The following RAD51B variants were observed in gnomAD, a reference collection of about 807,000 sequenced individuals.
RAD51B encodes the protein RAD51 paralog B.
In RAD51B, 38 loss-of-function variants were observed where a neutral mutation model predicts 42.2. The ratio of observed to expected loss-of-function variants is 0.90; its 90% CI spans 0.70 to 1.18. The LOEUF is 1.18. RAD51B is among the 50% of genes most tolerant of loss of function. The pLI is 0.00. For missense variants in RAD51B, 373 were observed against 400.7 expected (o/e 0.93, Z 0.59); for synonymous variants, 154 against 145.2 (o/e 1.06, Z -0.43).
intron 7 of RAD51B, among the ~76,000 whole-genome samples, chr14:68,042,507 C>G (rs938419629): frequency 6.6e-6 from 1 of 152,146 alleles, no homozygotes; most frequent in Non-Finnish European, 1.5e-5. Flanking sequence ...GTAGACATAC[C>G]TATCCCTAAC....
chr14:68,005,056 T>G (rs1364181750), intron 7 of RAD51B, among the ~76,000 whole-genome samples: 2 of 135,136 alleles, frequency 1.5e-5, no homozygotes, highest in African/African-American at 5.6e-5. Context: ...TTTTTTTTTT[T>G]TTTTTTTTTT....
intron 5 of RAD51B, among the ~76,000 whole-genome samples, chr14:67,884,859 G>C (rs989344559): frequency 2.0e-5 from 3 of 151,854 alleles, no homozygotes; most frequent in Non-Finnish European, 4.4e-5. Context: ...TTCCTGTTTT[G>C]GGCTTTTCTC....
At chr14:68,152,296 A>G (rs962543581) in intron 7 of RAD51B, among the ~76,000 whole-genome samples, 1 of 152,204 alleles carries the variant, frequency 6.6e-6, no homozygotes, top group African/African-American at 2.4e-5. Context: ...TTATCAGACC[A>G]CATATATGAA....
At chr14:68,267,710 T>G (rs1054957472) in intron 7 of RAD51B, among the ~76,000 whole-genome samples, 1 of 152,226 alleles carries the variant, frequency 6.6e-6, no homozygotes, top group Admixed American at 6.5e-5. Context: ...TTTATGTCTC[T>G]CTAGCTCACA....
At chr14:68,444,027 C>T (rs2085362993) in intron 9 of RAD51B, among the ~76,000 whole-genome samples, 1 of 152,106 alleles carries the variant, frequency 6.6e-6, no homozygotes, top group South Asian at 2.1e-4. Context: ...TATATTAGTG[C>T]CTAGAACTTT....
intron 11 of RAD51B, among the ~76,000 whole-genome samples, chr14:68,655,664 G>A (rs995224627): frequency 9.9e-5 from 15 of 152,274 alleles, no homozygotes; most frequent in Non-Finnish European, 1.9e-4. Context: ...TGCCAGGGAC[G>A]CCCACCCGCG....
At chr14:68,119,110 T>C (rs2077599377) in intron 7 of RAD51B, among the ~76,000 whole-genome samples, 4 of 151,590 alleles carry the variant, frequency 2.6e-5, no homozygotes, top group Non-Finnish European at 5.9e-5. Flanking sequence ...CACTCACTAA[T>C]TTTTCTAATT....
At chr14:68,320,157 C>T (rs1221348927) in intron 8 of RAD51B, among the ~76,000 whole-genome samples, 1 of 152,188 alleles carries the variant, frequency 6.6e-6, no homozygotes, top group Non-Finnish European at 1.5e-5. Flanking sequence ...CCTTTCTCTC[C>T]TTGTTCTTTA....
intron 7 of RAD51B, among the ~76,000 whole-genome samples, chr14:68,126,927 G>A (rs751111830): frequency 3.9e-5 from 6 of 152,252 alleles, no homozygotes; most frequent in Non-Finnish European, 8.8e-5. Flanking sequence ...AAATCTAAAA[G>A]CACCTCTTCA....
chr14:68,066,393 C>T (rs1273465422), intron 7 of RAD51B, among the ~76,000 whole-genome samples: 1 of 152,034 alleles, frequency 6.6e-6, no homozygotes, highest in Admixed American at 6.6e-5. Flanking sequence ...AGTCCATGTA[C>T]AATTTTCATA....
chr14:68,431,015 G>T (rs184635372), intron 9 of RAD51B, among the ~76,000 whole-genome samples: 36 of 152,256 alleles, frequency 2.4e-4, no homozygotes, highest in Non-Finnish European at 4.3e-4. Context: ...TAATCATGTG[G>T]TTTTTGTCTT....
At chr14:67,932,270 A>C (rs2044766673) in intron 7 of RAD51B, among the ~76,000 whole-genome samples, 1 of 152,098 alleles carries the variant, frequency 6.6e-6, no homozygotes, top group African/African-American at 2.4e-5. Context: ...TTTGGCTTTG[A>C]TTCTGGGTGC....
intron 10 of RAD51B, among the ~76,000 whole-genome samples, chr14:68,475,567 C>T (rs1298576807): frequency 6.6e-6 from 1 of 152,056 alleles, no homozygotes; most frequent in Admixed American, 6.6e-5. Flanking sequence ...TATGCAGTAT[C>T]CAGGAAAGAA....
intron 8 of RAD51B, among the ~76,000 whole-genome samples, chr14:68,361,288 G>A (rs1379344364): frequency 6.6e-6 from 1 of 152,162 alleles, no homozygotes; most frequent in Non-Finnish European, 1.5e-5. Flanking sequence ...ACTCACCCAG[G>A]GTCATAGAGC....
At position 68,060,498 on chromosome 14, in the gene RAD51B, C is replaced by T. The variant is rs953560307; in HGVS notation, c.756+173294C>T. On this transcript the variant is annotated intron_variant, in intron 7 of 10. Coordinates refer to ENST00000471583, the MANE Select transcript of RAD51B (RefSeq NM_133510.4). ...TAATCTAAGTTATGCAGACATTAAT[C>T]AAAACAGTCATAGTATTTTAATTAT... Among the ~76,000 whole-genome samples, 26 of 152,238 alleles carry T rather than the reference C, an allele frequency of 1.7e-4. 1 individual carries two copies. Among genetic ancestry groups the T allele is most frequent in the Admixed American group, 1.2e-3 (18 of 15,290 alleles).
chr14:68,314,430 GTC>G (rs1266184392), intron 8 of RAD51B, among the ~76,000 whole-genome samples: 10 of 152,138 alleles, frequency 6.6e-5, no homozygotes, highest in African/African-American at 2.2e-4. Context: ...GGGGCTGCAG[GTC>G]TTTGAAAGGC....
intron 4 of RAD51B, among the ~76,000 whole-genome samples, chr14:67,846,073 C>T (rs542468163): frequency 2.6e-5 from 4 of 152,204 alleles, no homozygotes; most frequent in African/African-American, 4.8e-5. Context: ...AGCCAAATTG[C>T]GTTGTTGGGG....
At chr14:68,347,512 T>C (rs1400623216) in intron 8 of RAD51B, among the ~76,000 whole-genome samples, 4 of 152,142 alleles carry the variant, frequency 2.6e-5, no homozygotes, top group African/African-American at 9.7e-5. Context: ...TAGGGACCCA[T>C]TCCGTATGAA....
intron 8 of RAD51B, among the ~76,000 whole-genome samples, chr14:68,403,102 A>G (rs376893555): frequency 6.6e-6 from 1 of 152,228 alleles, no homozygotes; most frequent in Non-Finnish European, 1.5e-5. Context: ...GTAACATACC[A>G]TCTTCTTCCC....
Sources: allele counts gnomAD v4.1 joint callset (sites outside exome capture counted in the v4.1 genomes callset), GRCh38; gene constraint gnomAD v4.1.1; transcripts MANE v1.5; gene names NCBI Gene and HGNC (gene_info 2026-07-23, HGNC 2026-07-21).